The following ADGRL3 variants were observed in gnomAD, a reference collection of about 807,000 sequenced individuals.
ADGRL3 encodes the protein calcium-independent alpha-latrotoxin receptor 3.
Under a neutral mutation model 153.5 loss-of-function variants are expected in ADGRL3, and 62 were observed. The observed-to-expected ratio is 0.40, with a 90% CI of 0.33 to 0.50. The LOEUF (loss-of-function observed/expected upper bound fraction) is 0.50. ADGRL3 is among the 20% of genes least tolerant of loss of function. ADGRL3 has a pLI of 0.47. For missense variants in ADGRL3, 1,641 were observed against 1,859.4 expected (o/e 0.88, Z 2.16); for synonymous variants, 710 against 672.5 (o/e 1.06, Z -0.86).
At chr4:61,847,636 A>C (rs1483877046) in intron 9 of ADGRL3, among the ~76,000 whole-genome samples, 1 of 10,470 alleles carries the variant, frequency 9.6e-5, no homozygotes, top group Non-Finnish European at 3.5e-4. Context: ...AAAATATATT[A>C]TATATATAAT....
intron 2 of ADGRL3, among the ~76,000 whole-genome samples, chr4:61,394,915 T>C (rs1442174031): frequency 6.6e-6 from 1 of 152,074 alleles, no homozygotes; most frequent in Non-Finnish European, 1.5e-5. Flanking sequence ...GTATGTATAA[T>C]CTTGTAAACT....
chr4:61,914,769 C>G lies in ADGRL3; in HGVS notation c.2112+2012C>G, dbSNP rs147305237. Among the ~76,000 whole-genome samples the G allele has an allele frequency of 1.4e-3, 210 of 152,012 alleles. 1 individual carries two copies. The highest frequency in any genetic ancestry group is 4.7e-3 in the African/African-American group (194 of 41,468). On this transcript the variant is annotated intron_variant, in intron 13 of 26. Coordinates refer to ENST00000683033, the MANE Select transcript of ADGRL3 (RefSeq NM_001387552.1). ...CTAAGGAGAATATTATGATCTGATT[C>G]AGGGGAAGGTTAGAAAATTCTTGCT...
chr4:61,872,799 T>C (rs1561395480), intron 9 of ADGRL3, among the ~76,000 whole-genome samples: 1 of 152,146 alleles, frequency 6.6e-6, no homozygotes, highest in Non-Finnish European at 1.5e-5. Flanking sequence ...GCAATGTCCA[T>C]GGGCAAGGTG....
chr4:61,384,065 T>C (rs2096706365), intron 2 of ADGRL3, among the ~76,000 whole-genome samples: 1 of 151,948 alleles, frequency 6.6e-6, no homozygotes, highest in South Asian at 2.1e-4. Flanking sequence ...TGTACTTTAA[T>C]TGCTATCATC....
intron 5 of ADGRL3, among the ~76,000 whole-genome samples, chr4:61,670,910 C>T (rs1197855892): frequency 6.6e-6 from 1 of 152,156 alleles, no homozygotes; most frequent in African/African-American, 2.4e-5. Flanking sequence ...TGTAGGATGT[C>T]CTCGGTCCTT....
At chr4:62,042,717 T>TAATATATGGTAA (rs769920273) in intron 24 of ADGRL3, among the ~76,000 whole-genome samples, 5 of 152,074 alleles carry the variant, frequency 3.3e-5, no homozygotes, top group Non-Finnish European at 7.4e-5. Context: ...ACATATCCCT[T>TAATATATGGTAA]AATATATGGT....
chr4:62,039,959 G>A (rs771018191), intron 24 of ADGRL3, among the ~76,000 whole-genome samples: 10 of 152,034 alleles, frequency 6.6e-5, no homozygotes, highest in African/African-American at 2.4e-4. Context: ...ACAGAGTTGT[G>A]CAATGTTTAG....
intron 19 of ADGRL3, among the ~76,000 whole-genome samples, chr4:61,988,137 A>G (rs1454038398): frequency 1.3e-5 from 2 of 152,122 alleles, no homozygotes. Context: ...TATAAAACAC[A>G]TACACACAAA....
chr4:62,005,995 CACACACACAT>C (rs1252862875), intron 21 of ADGRL3, among the ~76,000 whole-genome samples: 1 of 88,868 alleles, frequency 1.1e-5, no homozygotes, highest in East Asian at 4.5e-4. Context: ...CACACACACA[CACACACACAT>C]ATATATATAT....
intron 4 of ADGRL3, among the ~76,000 whole-genome samples, chr4:61,542,334 T>A (rs142192404): frequency 6.6e-6 from 1 of 152,256 alleles, no homozygotes; most frequent in African/African-American, 2.4e-5. Context: ...AGGTGAAATA[T>A]TTACATTTTG....
At chr4:61,830,296 G>A (rs557963120) in intron 9 of ADGRL3, among the ~76,000 whole-genome samples, 2 of 152,244 alleles carry the variant, frequency 1.3e-5, no homozygotes, top group African/African-American at 4.8e-5. Context: ...GCTCAGGAAG[G>A]TGAGCTGCAG....
At chr4:61,468,584 A>G (rs1221139359) in intron 2 of ADGRL3, among the ~76,000 whole-genome samples, 1 of 152,186 alleles carries the variant, frequency 6.6e-6, no homozygotes, top group Non-Finnish European at 1.5e-5. Context: ...GTCCAAAATA[A>G]TAGCATCTTA....
At chr4:61,837,250 T>C (rs2097950715) in intron 9 of ADGRL3, among the ~76,000 whole-genome samples, 1 of 152,100 alleles carries the variant, frequency 6.6e-6, no homozygotes, top group African/African-American at 2.4e-5. Context: ...GGTCTTATTC[T>C]AAGAGGTCTA....
In ADGRL3 at chr4:61,629,825, T is replaced by C. The variant is rs116806050; in HGVS notation, c.473+42385T>C. Among the ~76,000 whole-genome samples the C allele has an allele frequency of 5.6e-3, 828 of 147,648 alleles. 5 individuals carry two copies. The highest frequency in any genetic ancestry group is 0.02 in the African/African-American group (797 of 40,454). On this transcript the variant is annotated intron_variant, in intron 5 of 26. Coordinates refer to ENST00000683033, the MANE Select transcript of ADGRL3 (RefSeq NM_001387552.1). ...ATGCAGACTGCCAGAATCACAGTCA[T>C]TTGCATTGAACATGTGTCCTAATTG...
chr4:61,626,048 A>G (rs1210972588), intron 5 of ADGRL3, among the ~76,000 whole-genome samples: 5 of 152,038 alleles, frequency 3.3e-5, no homozygotes, highest in African/African-American at 1.2e-4. Flanking sequence ...TAAAATATAT[A>G]TTTACATGGC....
intron 8 of ADGRL3, among the ~76,000 whole-genome samples, chr4:61,741,049 C>A (rs2096575202): frequency 6.6e-6 from 1 of 152,210 alleles, no homozygotes; most frequent in Admixed American, 6.5e-5. Context: ...TTTAAACACA[C>A]ATGACACCTC....
chr4:61,283,311 C>G (rs189969928), intron 1 of ADGRL3, among the ~76,000 whole-genome samples: 3 of 152,156 alleles, frequency 2.0e-5, no homozygotes, highest in African/African-American at 7.2e-5. Flanking sequence ...TAACTGCAGC[C>G]ACTGCTAACT....
In ADGRL3 at chr4:61,950,615, G is replaced by T. The variant is rs538736435; in HGVS notation, c.2805+2339G>T. Among the ~76,000 whole-genome samples, 6 of 152,312 alleles carry T rather than the reference G, an allele frequency of 3.9e-5. No individual in the cohort carries two copies. The South Asian group carries it at 1.2e-3, about 32-fold the overall frequency. On this transcript the variant is annotated intron_variant, in intron 17 of 26. Transcript: ENST00000683033. ...GGGGAAACAAGAATTGCAGTTCAGG[G>T]TATACACACAGACTGGGTGGTCTTC...
chr4:61,483,586 A>G (rs1360769723), intron 2 of ADGRL3, among the ~76,000 whole-genome samples: 2 of 151,906 alleles, frequency 1.3e-5, no homozygotes, highest in East Asian at 1.9e-4. Flanking sequence ...AAAAATACAA[A>G]ATTAGCTGGG....
Sources: allele counts gnomAD v4.1 joint callset (sites outside exome capture counted in the v4.1 genomes callset), GRCh38; gene constraint gnomAD v4.1.1; transcripts MANE v1.5; gene names NCBI Gene and HGNC (gene_info 2026-07-23, HGNC 2026-07-21).